The following SLC12A8 variants were observed in gnomAD, a reference collection of about 807,000 sequenced individuals.
SLC12A8 encodes cation-chloride cotransporter 9.
In SLC12A8, 69 loss-of-function variants were observed where a neutral mutation model predicts 75.6. The observed-to-expected ratio is 0.91, with a 90% confidence interval of 0.75 to 1.11. SLC12A8 has a LOEUF of 1.11. SLC12A8 is among the 50% of genes most tolerant of loss of function. The pLI is 0.00. For missense variants in SLC12A8, 877 were observed against 896.7 expected (o/e 0.98, Z 0.28); for synonymous variants, 365 against 372.8 (o/e 0.98, Z 0.24).
At chr3:125,201,873 C>T (rs1935127969) in intron 2 of SLC12A8, among the ~76,000 whole-genome samples, 1 of 151,882 alleles carries the variant, frequency 6.6e-6, no homozygotes, top group African/African-American at 2.4e-5. Context: ...AAAAGAGATA[C>T]TGAATTGAAT....
chr3:125,176,430 C>T (rs1466549224), intron 5 of SLC12A8, among the ~76,000 whole-genome samples: 1 of 152,060 alleles, frequency 6.6e-6, no homozygotes, highest in African/African-American at 2.4e-5. Flanking sequence ...GACTTCATGT[C>T]TAAAACACCA....
chr3:125,125,603 A>G (rs1054793784), intron 6 of SLC12A8, among the ~76,000 whole-genome samples: 4 of 152,178 alleles, frequency 2.6e-5, no homozygotes, highest in African/African-American at 9.6e-5. Flanking sequence ...TAGAATCATG[A>G]TTCTTAAATC....
intron 2 of SLC12A8, among the ~76,000 whole-genome samples, chr3:125,206,503 TGC>T (rs925361494): frequency 6.6e-6 from 1 of 152,212 alleles, no homozygotes; most frequent in African/African-American, 2.4e-5. Context: ...CTACCTCTCT[TGC>T]CAGTGCCACT....
At chr3:125,101,806 A>T (rs1170298525) in intron 10 of SLC12A8, among the ~76,000 whole-genome samples, 1 of 152,210 alleles carries the variant, frequency 6.6e-6, no homozygotes, top group South Asian at 2.1e-4. Flanking sequence ...TTCTTATAAT[A>T]GTTTAACTCT....
chr3:125,112,255 A>G (rs984461043), intron 8 of SLC12A8, among the ~76,000 whole-genome samples: 2 of 152,080 alleles, frequency 1.3e-5, no homozygotes, highest in African/African-American at 4.8e-5. Flanking sequence ...TTATCATCTC[A>G]TGCTTATCCC....
intron 4 of SLC12A8, among the ~76,000 whole-genome samples, chr3:125,186,778 C>A (rs914166024): frequency 6.6e-6 from 1 of 152,226 alleles, no homozygotes; most frequent in Non-Finnish European, 1.5e-5. Context: ...GAAGGCCACC[C>A]GAGCTATCAA....
chr3:125,191,870 C>T (rs1055689729), intron 2 of SLC12A8, among the ~76,000 whole-genome samples: 7 of 152,206 alleles, frequency 4.6e-5, no homozygotes, highest in South Asian at 2.1e-4. Flanking sequence ...TCTCCAACTC[C>T]GTAAGCTTCA....
At chr3:125,190,118 G>C (rs1479007334) in intron 3 of SLC12A8, among the ~76,000 whole-genome samples, 1 of 152,222 alleles carries the variant, frequency 6.6e-6, no homozygotes, top group Non-Finnish European at 1.5e-5. Context: ...TCCGGCTCAT[G>C]ATGAGCCCTG....
chr3:125,088,196 A>T, intron 13 of SLC12A8, 114 bp downstream of exon 13: 1 of 992,422 alleles, frequency 1.0e-6, no homozygotes, highest in Non-Finnish European at 1.6e-6. Context: ...CCCAGTTGTT[A>T]GGTTCCCATG....
At position 125,177,882 on chromosome 3, in the gene SLC12A8, T is replaced by A. The variant is rs1410483734; in HGVS notation, c.483A>T (p.Ser161=). 2 of 1,614,032 alleles carry A rather than the reference T, an allele frequency of 1.2e-6. No individual in the cohort carries two copies. The highest frequency in any genetic ancestry group is 1.3e-5 in the African/African-American group (1 of 74,902). Residue 161 remains serine (S), a synonymous_variant, in exon 5 of 14, where the codon TCA becomes TCT. Coordinates refer to ENST00000469902, the MANE Select transcript of SLC12A8 (RefSeq NM_024628.6). ...LGNIWAVRGI[S]VAVLLALLGI... ...CCAGCAAGGCCAGAAGCACCGCAACTGAAATTCCTCGCACAGCCCAGATAT... is the reference window on the plus strand; with the variant it reads ...CCAGCAAGGCCAGAAGCACCGCAACAGAAATTCCTCGCACAGCCCAGATAT...
chr3:125,167,241 C>G (rs1934309234), intron 5 of SLC12A8, among the ~76,000 whole-genome samples: 1 of 152,044 alleles, frequency 6.6e-6, no homozygotes. Flanking sequence ...CCTCTGCCTC[C>G]CGGGTTCAAG....
intron 5 of SLC12A8, among the ~76,000 whole-genome samples, chr3:125,154,082 G>A (rs1024531632): frequency 2.0e-5 from 3 of 152,076 alleles, no homozygotes; most frequent in Admixed American, 2.0e-4. Flanking sequence ...TTTATTATGG[G>A]GAAACTGAAG....
intron 5 of SLC12A8, among the ~76,000 whole-genome samples, chr3:125,149,370 G>A (rs1004903227): frequency 2.0e-5 from 3 of 152,220 alleles, no homozygotes; most frequent in East Asian, 1.9e-4. Flanking sequence ...AGAGCCAGGG[G>A]TCTGGGATTC....
chr3:125,200,042 C>G (rs1935090460), intron 2 of SLC12A8, among the ~76,000 whole-genome samples: 1 of 152,106 alleles, frequency 6.6e-6, no homozygotes, highest in South Asian at 2.1e-4. Context: ...AAGCCATTAG[C>G]AATGACTGCC....
chr3:125,119,014 T>C, intron 7 of SLC12A8, 158 bp from the exon 8 acceptor site: 1 of 544,266 alleles, frequency 1.8e-6, no homozygotes, highest in Non-Finnish European at 3.4e-6. Flanking sequence ...AGGACACTTT[T>C]TGTACTATTT....
At chr3:125,118,947 G>A in intron 7 of SLC12A8, 91 bp from the exon 8 acceptor site, 1 of 861,546 alleles carries the variant, frequency 1.2e-6, no homozygotes, top group African/African-American at 1.7e-5. Context: ...TTTCCAAAGG[G>A]AACTTGTATC....
chr3:125,179,296 C>A (rs1009516100), intron 4 of SLC12A8, among the ~76,000 whole-genome samples: 4 of 152,098 alleles, frequency 2.6e-5, no homozygotes, highest in African/African-American at 9.7e-5. Context: ...AAGTTTGTCT[C>A]CCCACCCCAC....
chr3:125,162,458 T>A (rs905589467), intron 5 of SLC12A8, among the ~76,000 whole-genome samples: 8 of 152,094 alleles, frequency 5.3e-5, no homozygotes, highest in African/African-American at 1.9e-4. Context: ...TTAGATCACG[T>A]CACCAGAGAC....
At chr3:125,166,190 T>C (rs937380519) in intron 5 of SLC12A8, among the ~76,000 whole-genome samples, 9 of 151,886 alleles carry the variant, frequency 5.9e-5, no homozygotes, top group Admixed American at 1.3e-4. Context: ...CCTCTCACAC[T>C]AGCCTCGCCA....
Sources: gnomAD v4.1 joint callset for allele counts (sites outside exome capture counted in the v4.1 genomes callset) on GRCh38, gnomAD v4.1.1 for gene constraint, MANE v1.5 for transcripts, NCBI Gene and HGNC (gene_info 2026-07-23, HGNC 2026-07-21) for gene names.